ARL5A: variants seen among roughly 807,000 people sequenced by gnomAD.
The protein encoded by ARL5A is ARF like GTPase 5A.
ARL5A carries 18 observed loss-of-function variants against 25.9 expected under a neutral mutation model. The ratio of observed to expected loss-of-function variants is 0.69; its 90% CI spans 0.48 to 1.03. The LOEUF is 1.03. ARL5A is among the 50% of genes least tolerant of loss of function. The pLI is 0.00. For synonymous variants in ARL5A, 61 were observed against 67.5 expected, an observed-to-expected ratio of 0.90 and a Z score of 0.47; for missense variants, 170 against 211.9, an observed-to-expected ratio of 0.80 and a Z score of 1.23.
chr2:151,825,841 C>T (rs1197374474), intron 1 of ARL5A, among the ~76,000 whole-genome samples: 1 of 151,644 alleles, frequency 6.6e-6, no homozygotes, highest in Non-Finnish European at 1.5e-5. Context: ...AAAAAACAAC[C>T]CTGCTGGGCA....
At position 151,813,627 on chromosome 2, in the gene ARL5A, C is replaced by T. The variant is rs111380695; in HGVS notation, c.255+542G>A. ...GTAATAATGAACACTACAAAAACAA[C>T]GGTCAGTCTTTTAATTCACAGGTCT... On this transcript the variant is annotated intron_variant, in intron 3 of 5. Transcript: ENST00000295087. Among the ~76,000 whole-genome samples the T allele has an allele frequency of 6.2e-3, 951 of 152,190 alleles. 10 individuals carry two copies. The highest frequency in any genetic ancestry group is 0.022 in the African/African-American group (897 of 41,536).
chr2:151,821,795 T>C (rs12993647), intron 1 of ARL5A, among the ~76,000 whole-genome samples: 23 of 125,030 alleles, frequency 1.8e-4, no homozygotes, highest in South Asian at 7.0e-4. Flanking sequence ...TTTTCTTTTT[T>C]TTTTTTTTTT....
Position 151,799,023 on chromosome 2 carries a change from C to T in ARL5A, c.*4253G>A, listed in dbSNP as rs761340253. ...CCAAGTGTATCCTGGAACATTTCTT[C>T]ACAATCTGACAGGACTTTAGGGTTA... is the stretch of plus-strand genomic sequence containing the variant. On this transcript the variant is annotated 3_prime_UTR_variant, in exon 6 of 6. Transcript: ENST00000295087. 3 of 152,188 alleles carry T rather than the reference C, an allele frequency of 2.0e-5. No homozygotes were observed. The highest frequency in any genetic ancestry group is 4.4e-5 in the Non-Finnish European group (3 of 68,018). The allele number at this position is 152,188 out of a possible 1,614,324, so 9.4% of individuals were successfully genotyped here.
At chr2:151,810,402 G>T in intron 4 of ARL5A, 1 of 240,838 alleles carries the variant, frequency 4.2e-6, no homozygotes, top group Non-Finnish European at 8.6e-6. Flanking sequence ...TGATCCATTT[G>T]TCTCTCTGCA....
intron 1 of ARL5A, among the ~76,000 whole-genome samples, chr2:151,820,809 C>T (rs2099832207): frequency 6.6e-6 from 1 of 151,894 alleles, no homozygotes; most frequent in South Asian, 2.1e-4. Context: ...CCAGTCCTGC[C>T]CTACAAGGTT....
chr2:151,815,127 G>A lies in ARL5A; in HGVS notation c.107+12C>T. The A allele has an allele frequency of 6.3e-7, 1 of 1,584,228 alleles. No individual in the cohort carries two copies. The highest frequency in any genetic ancestry group is 8.6e-7 in the Non-Finnish European group (1 of 1,160,104). On this transcript the variant is annotated intron_variant, in intron 2 of 5. Transcript: ENST00000295087. ...TAGAAATAAAATAATTTTTAAAATA[G>A]TTAATACTTACAATTGGTAAAGAAT...
intron 1 of ARL5A, among the ~76,000 whole-genome samples, chr2:151,826,721 C>T (rs1399914502): frequency 2.0e-5 from 3 of 152,236 alleles, no homozygotes; most frequent in Non-Finnish European, 4.4e-5. Flanking sequence ...GGAAGCTCCA[C>T]AGATCCCTGG....
chr2:151,821,321 T>C (rs1191181078), intron 1 of ARL5A, among the ~76,000 whole-genome samples: 2 of 152,150 alleles, frequency 1.3e-5, no homozygotes, highest in South Asian at 2.1e-4. Flanking sequence ...ACTAATATAT[T>C]TGAACATATC....
At chr2:151,821,190 C>T (rs989427119) in intron 1 of ARL5A, among the ~76,000 whole-genome samples, 1 of 152,300 alleles carries the variant, frequency 6.6e-6, no homozygotes, top group African/African-American at 2.4e-5. Flanking sequence ...TCTTACTCTT[C>T]TGCCTACCTA....
Position 151,802,947 on chromosome 2 carries a change from G to A in ARL5A, c.*329C>T, listed in dbSNP as rs2099829627. 1 of 216,742 alleles carries A rather than the reference G, an allele frequency of 4.6e-6. No individual in the cohort carries two copies. The highest frequency in any genetic ancestry group is 2.3e-5 in the African/African-American group (1 of 43,458). 13.4% of individuals were successfully genotyped at this position (216,742 alleles called of 1,614,324 possible). A position where few individuals can be genotyped will look rare whatever the true frequency, so the allele number is the denominator to read the frequency against. ...AAGAAAATAACATTCAACTAGGGAGGGTTAAACTGATAATAAAGCTCTTAA... is the reference window on the plus strand; with the variant it reads ...AAGAAAATAACATTCAACTAGGGAGAGTTAAACTGATAATAAAGCTCTTAA... On this transcript the variant is annotated 3_prime_UTR_variant, in exon 6 of 6. Transcript: ENST00000295087.
intron 1 of ARL5A, among the ~76,000 whole-genome samples, chr2:151,821,753 A>G (rs1274474850): frequency 1.4e-5 from 2 of 147,002 alleles, no homozygotes; most frequent in African/African-American, 5.0e-5. Context: ...GACTACAGGC[A>G]GGCACTACCA....
intron 1 of ARL5A, chr2:151,827,592 C>G (rs1168173969): frequency 1.3e-5 from 2 of 153,296 alleles, no homozygotes; most frequent in Non-Finnish European, 2.9e-5. Flanking sequence ...CCCCCTGCCC[C>G]CAACACACAC....
chr2:151,808,677 A>G (rs970715876), intron 4 of ARL5A, among the ~76,000 whole-genome samples: 3 of 152,252 alleles, frequency 2.0e-5, no homozygotes, highest in African/African-American at 7.2e-5. Context: ...TGAAGAGATA[A>G]AGTATAACTT....
At chr2:151,811,392 G>C (rs2099830821) in intron 4 of ARL5A, among the ~76,000 whole-genome samples, 1 of 151,862 alleles carries the variant, frequency 6.6e-6, no homozygotes, top group African/African-American at 2.4e-5. Context: ...AATGAGTTGA[G>C]AAAGTAGCAT....
At chr2:151,813,296 C>A (rs2099831092) in intron 3 of ARL5A, among the ~76,000 whole-genome samples, 1 of 152,138 alleles carries the variant, frequency 6.6e-6, no homozygotes, top group South Asian at 2.1e-4. Context: ...TATGAGAGAA[C>A]TGCTACTTTA....
intron 1 of ARL5A, among the ~76,000 whole-genome samples, chr2:151,817,343 C>T (rs2099831652): frequency 6.6e-6 from 1 of 152,220 alleles, no homozygotes; most frequent in African/African-American, 2.4e-5. Context: ...TATTAATCAT[C>T]TTTACATTTC....
Position 151,800,628 on chromosome 2 carries a change from A to G in ARL5A, c.*2648T>C, listed in dbSNP as rs542731791. 6.6e-6 allele frequency: 1 copy of G among 152,326 alleles called. No individual in the cohort carries two copies. The highest frequency in any genetic ancestry group is 1.5e-5 in the Non-Finnish European group (1 of 68,010). 9.4% of individuals were successfully genotyped at this position (152,326 alleles called of 1,614,324 possible). On this transcript the variant is annotated 3_prime_UTR_variant, in exon 6 of 6. Transcript: ENST00000295087. ...GTATCCTTTGCCCATTATGAGGACC[A>G]AGAGGTACTGGGAAGATAAAGAGAA...
chr2:151,827,696 G>A (rs921294274), intron 1 of ARL5A: 2 of 162,754 alleles, frequency 1.2e-5, no homozygotes, highest in South Asian at 1.5e-4. Context: ...TGCAACCCTC[G>A]GTCGCTCAGT....
At chr2:151,826,826 G>A (rs1047679696) in intron 1 of ARL5A, among the ~76,000 whole-genome samples, 1 of 152,244 alleles carries the variant, frequency 6.6e-6, no homozygotes, top group African/African-American at 2.4e-5. Flanking sequence ...AGTCCAGTCA[G>A]AGACAGTGCT....
Sources: allele counts gnomAD v4.1 joint callset (sites outside exome capture counted in the v4.1 genomes callset), GRCh38; gene constraint gnomAD v4.1.1; transcripts MANE v1.5; gene names NCBI Gene and HGNC (gene_info 2026-07-23, HGNC 2026-07-21).